UBR3: variants seen among roughly 807,000 people sequenced by gnomAD.
UBR3 encodes ubiquitin protein ligase E3 component n-recognin 3.
A neutral mutation model predicts 243.2 loss-of-function variants in UBR3; 85 were observed. The observed-to-expected ratio is 0.35, with a 90% CI of 0.29 to 0.42. The LOEUF is 0.42. Among genes scored for constraint, UBR3 ranks in the 10% least tolerant of loss-of-function variants. UBR3 has a pLI of 1.00. For synonymous variants in UBR3, 748 were observed against 799.8 expected (o/e 0.94, Z 1.09); for missense variants, 1,686 against 2,300.8 (o/e 0.73, Z 5.47).
chr2:170,010,793 T>C (rs2105407420), intron 29 of UBR3, among the ~76,000 whole-genome samples: 1 of 152,326 alleles, frequency 6.6e-6, no homozygotes. Context: ...TATTATCTTT[T>C]GCTTGGAATT....
Position 169,949,878 on chromosome 2 carries a change from C to T in UBR3, c.3358C>T (p.Gln1120Ter). 6.2e-7 allele frequency: 1 copy of T among 1,605,462 alleles called. No homozygotes were observed. The highest frequency in any genetic ancestry group is 1.1e-5 in the South Asian group (1 of 90,086). The change falls in exon 23 of 39, where the codon CAA (glutamine) becomes TAA (stop). Residue 1120 changes from glutamine to a stop codon, truncating the protein, a stop_gained. Transcript: ENST00000272793. LOFTEE classifies it high-confidence loss of function. The stretch of plus-strand genomic sequence containing the variant: ...GCTTGATGACATAGAAATTTTAATC[C>T]AACCAGAAATTCCTAAATACAGTCA... ...PWLDDIEILI[Q>*]PEIPKYSHGD...
At position 170,003,891 on chromosome 2, in the gene UBR3, C is replaced by T. The variant is rs2089810339; in HGVS notation, c.4029+2477C>T. On this transcript the variant is annotated intron_variant, in intron 27 of 38. Coordinates refer to ENST00000272793, the MANE Select transcript of UBR3 (RefSeq NM_172070.4). ...TCCTGACCTCGTGATCCATCCGCCTCAGCCTCCCAAAGTGCTAGGATTACA... is the reference window on the plus strand; with the variant it reads ...TCCTGACCTCGTGATCCATCCGCCTTAGCCTCCCAAAGTGCTAGGATTACA... 2.6e-5 allele frequency among the ~76,000 whole-genome samples: 4 copies of T among 152,188 alleles called. No homozygotes were observed. The South Asian group carries it at 8.3e-4, about 32-fold the overall frequency.
intron 1 of UBR3, among the ~76,000 whole-genome samples, chr2:169,871,610 T>C (rs2083440748): frequency 6.6e-6 from 1 of 151,534 alleles, no homozygotes; most frequent in Non-Finnish European, 1.5e-5. Flanking sequence ...TTAGCTGGTG[T>C]GGTGGTGCAC....
At chr2:169,934,665 A>G (rs1462301412) in intron 19 of UBR3, among the ~76,000 whole-genome samples, 1 of 152,220 alleles carries the variant, frequency 6.6e-6, no homozygotes, top group Non-Finnish European at 1.5e-5. Flanking sequence ...CTTGCAAACT[A>G]AAATGAAAAA....
At chr2:169,951,357 C>G (rs1407882843) in intron 23 of UBR3, among the ~76,000 whole-genome samples, 3 of 152,120 alleles carry the variant, frequency 2.0e-5, no homozygotes, top group Non-Finnish European at 4.4e-5. Context: ...GGAAGCAAGC[C>G]TAAGATGGAT....
At chr2:169,844,856 G>T (rs1028486565) in intron 1 of UBR3, among the ~76,000 whole-genome samples, 12 of 146,324 alleles carry the variant, frequency 8.2e-5, no homozygotes, top group Non-Finnish European at 1.7e-4. Flanking sequence ...CTGATTTTTT[G>T]TTGTTGTTGT....
In UBR3 at chr2:169,857,355, A is replaced by T. The variant is rs572637666; in HGVS notation, c.546-14881A>T. ...GCCTCACAAAGTGCTAATGTGAGCC[A>T]CTGCGCCCGGCCCCATTGTGTTCTG... On this transcript the variant is annotated intron_variant, in intron 1 of 38. Transcript: ENST00000272793. 2.1e-4 allele frequency among the ~76,000 whole-genome samples: 32 copies of T among 152,086 alleles called. 1 individual carries two copies. Among genetic ancestry groups the T allele is most frequent in the Admixed American group, 5.9e-4 (9 of 15,276 alleles).
intron 30 of UBR3, among the ~76,000 whole-genome samples, chr2:170,021,012 T>A (rs941332009): frequency 2.0e-5 from 3 of 152,190 alleles, no homozygotes; most frequent in African/African-American, 7.2e-5. Flanking sequence ...AGGAGTACTG[T>A]TTGAGATAGG....
chr2:169,840,837 GC>G (rs1283268040), intron 1 of UBR3, among the ~76,000 whole-genome samples: 3 of 152,162 alleles, frequency 2.0e-5, no homozygotes, highest in Non-Finnish European at 2.9e-5. Context: ...GGGAGTGGCA[GC>G]CTTAGCAGCA....
intron 30 of UBR3, 102 bp downstream of exon 30, chr2:170,015,468 A>T: frequency 6.3e-6 from 5 of 796,238 alleles, no homozygotes; most frequent in Non-Finnish European, 1.0e-5. Context: ...TGTCTGTTAT[A>T]TATGATCTAT....
intron 35 of UBR3, among the ~76,000 whole-genome samples, chr2:170,070,112 T>G (rs757598621): frequency 3.9e-5 from 6 of 152,162 alleles, no homozygotes; most frequent in Admixed American, 6.6e-5. Flanking sequence ...TTAGGTTGAT[T>G]AATATCTTTG....
intron 31 of UBR3, among the ~76,000 whole-genome samples, chr2:170,039,435 A>G (rs927647550): frequency 6.6e-6 from 1 of 152,154 alleles, no homozygotes; most frequent in Non-Finnish European, 1.5e-5. Flanking sequence ...TAAACTTGAA[A>G]GACCGTATCA....
At chr2:169,980,601 G>C (rs1230133246) in intron 24 of UBR3, among the ~76,000 whole-genome samples, 1 of 151,474 alleles carries the variant, frequency 6.6e-6, no homozygotes, top group Non-Finnish European at 1.5e-5. Flanking sequence ...CACACCCATT[G>C]CCCAGATCTT....
chr2:169,850,784 C>G (rs1390653738), intron 1 of UBR3, among the ~76,000 whole-genome samples: 1 of 150,822 alleles, frequency 6.6e-6, no homozygotes, highest in Non-Finnish European at 1.5e-5. Flanking sequence ...GCGGAGCTTG[C>G]AGAGAGCTGA....
chr2:169,940,017 A>G (rs796484073), intron 19 of UBR3, among the ~76,000 whole-genome samples: 56 of 152,176 alleles, frequency 3.7e-4, no homozygotes, highest in African/African-American at 1.3e-3. Context: ...TTTAATTGAT[A>G]TATCTTAGCC....
chr2:170,042,850 TG>T (rs1470369662), intron 32 of UBR3, among the ~76,000 whole-genome samples: 1 of 152,020 alleles, frequency 6.6e-6, no homozygotes, highest in African/African-American at 2.4e-5. Flanking sequence ...GTTACTTTTT[TG>T]GGGGGTTAGA....
At chr2:169,910,319 T>C (rs1243522729) in intron 10 of UBR3, among the ~76,000 whole-genome samples, 1 of 152,128 alleles carries the variant, frequency 6.6e-6, no homozygotes, top group African/African-American at 2.4e-5. Flanking sequence ...TGCCATGTCA[T>C]GTATGTAAGC....
intron 1 of UBR3, among the ~76,000 whole-genome samples, chr2:169,868,038 C>T (rs1205562910): frequency 6.6e-6 from 1 of 151,992 alleles, no homozygotes; most frequent in East Asian, 1.9e-4. Context: ...GGGAAAATAT[C>T]CCTTGGTGTC....
chr2:169,889,529 G>C (rs1013624648), intron 5 of UBR3, among the ~76,000 whole-genome samples: 4 of 152,064 alleles, frequency 2.6e-5, no homozygotes, highest in African/African-American at 9.7e-5. Context: ...TTACATTCCT[G>C]TGTCTGTTTT....
Sources: gnomAD v4.1 joint callset for allele counts (sites outside exome capture counted in the v4.1 genomes callset) on GRCh38, gnomAD v4.1.1 for gene constraint, MANE v1.5 for transcripts, NCBI Gene and HGNC (gene_info 2026-07-23, HGNC 2026-07-21) for gene names.